Variants in MEGF8 observed in about 807,000 individuals in gnomAD.
MEGF8 encodes multiple EGF like domains 8, also known as multiple epidermal growth factor-like domains protein 8.
Under a neutral mutation model 302.9 loss-of-function variants are expected in MEGF8, and 156 were observed. That is an observed-to-expected ratio of 0.52 (90% confidence interval 0.45 to 0.59). The LOEUF is 0.59. Ranked by LOEUF, MEGF8 falls within the 20% of genes least tolerant of loss-of-function variation. MEGF8 has a pLI of 0.00. For missense variants in MEGF8, 3,345 were observed against 3,964.5 expected, an observed-to-expected ratio of 0.84 and a Z score of 4.20; for synonymous variants, 1,621 against 1,660.5, an observed-to-expected ratio of 0.98 and a Z score of 0.58.
intron 2 of MEGF8, 85 bp from the exon 3 acceptor site, chr19:42,333,922 G>C (rs541394817): frequency 4.6e-6 from 7 of 1,517,178 alleles, no homozygotes; most frequent in East Asian, 2.4e-5. Context: ...GGGTCCCCCA[G>C]GGTGGAAGGG....
At chr19:42,334,480 T>G (rs1382326302) in intron 3 of MEGF8, among the ~76,000 whole-genome samples, 1 of 151,910 alleles carries the variant, frequency 6.6e-6, no homozygotes, top group East Asian at 1.9e-4. Context: ...CCACCCTCCT[T>G]CCTCCAGCCA....
rs749025573 is a variant in MEGF8, at chr19:42,356,016, G to C, written c.4392+11G>C. 1 of 1,609,022 alleles carries C rather than the reference G, an allele frequency of 6.2e-7. No individual in the cohort carries two copies. Among genetic ancestry groups the C allele is most frequent in the Non-Finnish European group, 8.5e-7 (1 of 1,176,374 alleles). ...GGAACTTGTAACCAGGTACAGGTGG[G>C]AGAGGGCAAGTCTGGTGGGACAGGG... On this transcript the variant is annotated intron_variant, in intron 24 of 41. Transcript: ENST00000251268. The surrounding 1 kb of genome is among the most constrained non-coding windows in gnomAD (Gnocchi z 5.2).
chr19:42,351,109 C>T lies in MEGF8; in HGVS notation c.2737-107C>T. On this transcript the variant is annotated intron_variant, in intron 15 of 41. Coordinates refer to ENST00000251268, the MANE Select transcript of MEGF8 (RefSeq NM_001271938.2). The surrounding 1 kb of genome is among the most constrained non-coding windows in gnomAD (Gnocchi z 5.6). ...CGCAGGCAGCTGGGGAGGGAGATGG[C>T]CTTACAGGGACAGTCTGCAGGGTGG... 1.0e-6 allele frequency: 1 copy of T among 975,520 alleles called. No homozygotes were observed. The allele number at this position is 975,520 out of a possible 1,614,324, so 60.4% of individuals were successfully genotyped here.
rs755341130 is a variant in MEGF8, at chr19:42,357,029, G to A, written c.4830+48G>A. 2 of 1,504,548 alleles carry A rather than the reference G, an allele frequency of 1.3e-6. No homozygotes were observed. The highest frequency in any genetic ancestry group is 2.5e-5 in the South Asian group (2 of 79,502). The allele number at this position is 1,504,548 out of a possible 1,614,324, so 93.2% of individuals were successfully genotyped here. A position where few individuals can be genotyped will look rare whatever the true frequency, so the allele number is the denominator to read the frequency against. Reference sequence around the variant, plus strand: ...CTCCCCAGCCCTCACACTGGGCCCTGACAGAGACAGCTGTGGTAGCTCCTG... The same window carrying A: ...CTCCCCAGCCCTCACACTGGGCCCTAACAGAGACAGCTGTGGTAGCTCCTG... On this transcript the variant is annotated intron_variant, in intron 27 of 41. Transcript: ENST00000251268. The surrounding 1 kb of genome is among the most constrained non-coding windows in gnomAD (Gnocchi z 5.2).
intron 38 of MEGF8, 146 bp from the exon 39 acceptor site, chr19:42,370,043 C>T (rs2039663851): frequency 1.1e-6 from 1 of 933,012 alleles, no homozygotes; most frequent in African/African-American, 1.6e-5. Context: ...AAGGCGGGGG[C>T]TAAATCCCGC....
In MEGF8 at chr19:42,376,394, G is replaced by A. The variant is rs780606137; in HGVS notation, c.8157G>A (p.Gly2719=). ...CGGCCTCCGCCTGGAAGCCGGCTGG[G>A]CTCCCACCTCCCGCCTTCCGCCGCT... The part of the protein sequence containing the change: ...TAPASAWKPA[G]LPPPAFRRSE... Residue 2719 remains glycine (G), a synonymous_variant, in exon 42 of 42, where the codon GGG becomes GGA. Transcript: ENST00000251268. The surrounding 1 kb of genome is among the most constrained non-coding windows in gnomAD (Gnocchi z 8.2). 4.3e-6 allele frequency: 7 copies of A among 1,612,960 alleles called. No individual in the cohort carries two copies. The East Asian group carries it at 8.9e-5, about 21-fold the overall frequency.
chr19:42,348,502 G>T (rs1453140185), intron 13 of MEGF8, 30 bp downstream of exon 13: 9 of 1,488,610 alleles, frequency 6.0e-6, no homozygotes, highest in Non-Finnish European at 8.1e-6. Context: ...TCAGGGGGTT[G>T]TTTATGGTAA....
In MEGF8 at chr19:42,369,476, C is replaced by T; in HGVS notation, c.6642-55C>T. On this transcript the variant is annotated intron_variant, in intron 37 of 41. Transcript: ENST00000251268. The surrounding 1 kb of genome is among the most constrained non-coding windows in gnomAD (Gnocchi z 5.7). The stretch of plus-strand genomic sequence containing the variant: ...TGGGGTAGTTGGTTGGGTGCTAGGC[C>T]ATGAAGCCACGAGGAGGGTGGCCAC... 6.4e-7 allele frequency: 1 copy of T among 1,556,102 alleles called. No homozygotes were observed. The highest frequency in any genetic ancestry group is 2.3e-5 in the East Asian group (1 of 44,418).
chr19:42,351,329 C>T lies in MEGF8; in HGVS notation c.2850C>T (p.Cys950=). Reference sequence around the variant, plus strand: ...GTCCAGAGGAGTGTCCCCCGCTCTGCAGCCAGTGAGTCAGGCTGGGTGCAG... The same window carrying T: ...GTCCAGAGGAGTGTCCCCCGCTCTGTAGCCAGTGAGTCAGGCTGGGTGCAG... ...LKSPEECPPL[C]SQRLTCEDCL... is the part of the protein sequence containing the mutation. The change falls in exon 16 of 42, where the codon TGC becomes TGT. Residue 950 remains cysteine (C), a synonymous_variant. Transcript: ENST00000251268. The surrounding 1 kb of genome is among the most constrained non-coding windows in gnomAD (Gnocchi z 5.6). 1 of 1,568,094 alleles carries T rather than the reference C, an allele frequency of 6.4e-7. No individual in the cohort carries two copies. Among genetic ancestry groups the T allele is most frequent in the East Asian group, 2.4e-5 (1 of 42,528 alleles).
At chr19:42,338,155 T>C (rs930146391) in intron 8 of MEGF8, among the ~76,000 whole-genome samples, 1 of 152,158 alleles carries the variant, frequency 6.6e-6, no homozygotes, top group East Asian at 1.9e-4. Context: ...GTTTATTATA[T>C]AGGTAAATTG....
chr19:42,356,323 A>C lies in MEGF8; in HGVS notation c.4504-12A>C. ...CCCTAGCCTGATCCCCAATGTCCGC[A>C]CCCACCCCTAGGACACTGCCAGCCG... On this transcript the variant is annotated splice_polypyrimidine_tract_variant and intron_variant, in intron 25 of 41. Transcript: ENST00000251268. The surrounding 1 kb of genome is among the most constrained non-coding windows in gnomAD (Gnocchi z 5.2). 1 of 1,607,960 alleles carries C rather than the reference A, an allele frequency of 6.2e-7. No homozygotes were observed. The highest frequency in any genetic ancestry group is 8.5e-7 in the Non-Finnish European group (1 of 1,177,714).
chr19:42,343,750 T>C, intron 9 of MEGF8, 119 bp downstream of exon 9: 1 of 1,392,348 alleles, frequency 7.2e-7, no homozygotes, highest in Non-Finnish European at 9.5e-7. Context: ...CCTAGGACCA[T>C]GAGAGAAGGG....
At chr19:42,371,738 C>G (rs1451574100) in intron 41 of MEGF8, among the ~76,000 whole-genome samples, 2 of 152,090 alleles carry the variant, frequency 1.3e-5, no homozygotes, top group Admixed American at 6.6e-5. Flanking sequence ...CAGGTAGTCA[C>G]AGCTAAAGGT....
chr19:42,342,223 C>A (rs912700352), intron 8 of MEGF8, among the ~76,000 whole-genome samples: 1 of 152,216 alleles, frequency 6.6e-6, no homozygotes, highest in Non-Finnish European at 1.5e-5. Flanking sequence ...AAGTCCCACA[C>A]GTTTACAGTG....
chr19:42,352,830 A>T lies in MEGF8; in HGVS notation c.3351-98A>T. 1.1e-6 allele frequency: 1 copy of T among 913,156 alleles called. No individual in the cohort carries two copies. Among genetic ancestry groups the T allele is most frequent in the Non-Finnish European group, 1.7e-6 (1 of 591,924 alleles). 56.6% of individuals were successfully genotyped at this position (913,156 alleles called of 1,614,324 possible). A position where few individuals can be genotyped will look rare whatever the true frequency, so the allele number is the denominator to read the frequency against. ...ATAGCCCAAAACCATGGAAACAGCC[A>T]GTGGCTTTGATGGTGTCATGGTGGG... is the stretch of plus-strand genomic sequence containing the variant. On this transcript the variant is annotated intron_variant, in intron 19 of 41. Coordinates refer to ENST00000251268, the MANE Select transcript of MEGF8 (RefSeq NM_001271938.2). This position sits in a 1 kb window ranked among gnomAD's most constrained non-coding sequence, Gnocchi z 4.4.
In MEGF8 at chr19:42,335,195, G is replaced by A; in HGVS notation, c.719G>A (p.Gly240Glu). The A allele has an allele frequency of 6.2e-7, 1 of 1,614,028 alleles. No individual in the cohort carries two copies. The highest frequency in any genetic ancestry group is 8.5e-7 in the Non-Finnish European group (1 of 1,179,896). Residue 240 changes from glycine (G) to glutamate (E), a missense_variant, in exon 4 of 42, where the codon GGG (glycine) becomes GAG (glutamate). Transcript: ENST00000251268. ...GCTGGCGCCTTCCTGTCCCCACCAG[G>A]GCTGCTGGCAGTTTTCGGAGGTGAG... is the stretch of plus-strand genomic sequence containing the variant. ...GAAGAFLSPP[G>E]LLAVFGGQDL...
At chr19:42,337,836 C>G (rs2039152869) in intron 8 of MEGF8, among the ~76,000 whole-genome samples, 1 of 151,744 alleles carries the variant, frequency 6.6e-6, no homozygotes, top group East Asian at 1.9e-4. Flanking sequence ...GGGAGTCTCG[C>G]TCCGTCGCCC....
At chr19:42,372,074 A>AAAAC (rs1555784683) in intron 41 of MEGF8, among the ~76,000 whole-genome samples, 2,225 of 79,264 alleles carry the variant, frequency 0.028, 61 homozygotes, top group African/African-American at 0.077. Context: ...AACAACAACA[A>AAAAC]ACACACACAC....
rs58700897 is a variant in MEGF8 at position 42,374,470 on chromosome 19, CAAAA to C, written c.7270-1018_7270-1015del. 7.1e-5 allele frequency among the ~76,000 whole-genome samples: 4 copies of C among 56,296 alleles called. No individual in the cohort carries two copies. The East Asian group carries it at 2.3e-3, about 32-fold the overall frequency. The allele number at this position is 56,296 out of a possible 152,430, so 36.9% of individuals were successfully genotyped here. Reference sequence around the variant, plus strand: ...TGGGCAACAGAGCGAGACTCTGTCTCAAAAAAAAAAAAAAAAAAAAAAGTCTCAC... The same window carrying C: ...TGGGCAACAGAGCGAGACTCTGTCTCAAAAAAAAAAAAAAAAAAGTCTCAC... On this transcript the variant is annotated intron_variant, in intron 41 of 41. Transcript: ENST00000251268.
Sources: gnomAD v4.1 joint callset for allele counts (sites outside exome capture counted in the v4.1 genomes callset) on GRCh38, gnomAD v4.1.1 for gene constraint, Gnocchi (gnomAD v3.1) non-coding constraint, MANE v1.5 for transcripts, NCBI Gene and HGNC (gene_info 2026-07-23, HGNC 2026-07-21) for gene names.